Variants in NKD1 observed in about 807,000 individuals in gnomAD.
NKD1 encodes the protein protein naked cuticle homolog 1.
Under a neutral mutation model 56.0 loss-of-function variants are expected in NKD1, and 21 were observed. That is an observed-to-expected ratio of 0.38 (90% CI 0.27 to 0.54). NKD1 has a LOEUF of 0.54. Among genes scored for constraint, NKD1 ranks in the 20% least tolerant of loss-of-function variants. NKD1 has a pLI of 0.82. For missense variants in NKD1, 578 were observed against 642.7 expected, an observed-to-expected ratio of 0.90 and a Z score of 1.09; for synonymous variants, 263 against 265.7, an observed-to-expected ratio of 0.99 and a Z score of 0.10.
In NKD1 at chr16:50,632,388, A is replaced by G; in HGVS notation, c.803A>G (p.Tyr268Cys). The stretch of plus-strand genomic sequence containing the variant: ...TTAGATCTCGCCGGGATAGAAAACT[A>G]CACGTCCCAATTTGGGCCTGGTAAG... ...HYLDLAGIEN[Y>C]TSQFGPGSPS... Residue 268 changes from tyrosine (Y) to cysteine (C), a missense_variant, in exon 9 of 10, where the codon TAC becomes TGC. Transcript: ENST00000268459. The surrounding 1 kb of genome is among the most constrained non-coding windows in gnomAD (Gnocchi z 4.1). 4 of 1,614,054 alleles carry G rather than the reference A, an allele frequency of 2.5e-6. No individual in the cohort carries two copies. Among genetic ancestry groups the G allele is most frequent in the Non-Finnish European group, 1.7e-6 (2 of 1,179,974 alleles).
intron 4 of NKD1, among the ~76,000 whole-genome samples, chr16:50,620,367 C>G (rs967292793): frequency 6.6e-6 from 1 of 152,178 alleles, no homozygotes; most frequent in Non-Finnish European, 1.5e-5. Flanking sequence ...CACAAATCCC[C>G]CATCTAGTTT....
chr16:50,625,991 T>G (rs535504517), intron 6 of NKD1, among the ~76,000 whole-genome samples: 5 of 152,354 alleles, frequency 3.3e-5, no homozygotes, highest in African/African-American at 1.2e-4. Flanking sequence ...TCAGCCATGC[T>G]GCCCAGGAGC....
chr16:50,576,746 C>CTTT (rs55799406), intron 3 of NKD1, among the ~76,000 whole-genome samples: 8,699 of 144,346 alleles, frequency 0.06, 348 homozygotes, highest in African/African-American at 0.11. Flanking sequence ...CAATAAAGTG[C>CTTT]TTTTTTTTTT....
chr16:50,606,825 C>T, intron 3 of NKD1: 1 of 456,714 alleles, frequency 2.2e-6, no homozygotes, highest in Non-Finnish European at 4.4e-6. Flanking sequence ...TGCCTACCAG[C>T]CTTTCAGGGG....
At chr16:50,560,323 C>G (rs552679171) in intron 3 of NKD1, among the ~76,000 whole-genome samples, 1 of 152,314 alleles carries the variant, frequency 6.6e-6, no homozygotes, top group South Asian at 2.1e-4. Context: ...GTGTGCATAG[C>G]CCCGTGCTGA....
intron 4 of NKD1, among the ~76,000 whole-genome samples, chr16:50,612,672 T>G (rs1200676655): frequency 6.6e-6 from 1 of 152,034 alleles, no homozygotes; most frequent in African/African-American, 2.4e-5. Flanking sequence ...GAGCCAGCCA[T>G]GGAAGAATGT....
At chr16:50,548,940 G>C (rs1202084650) in intron 2 of NKD1, 191 bp downstream of exon 2, 1 of 940,278 alleles carries the variant, frequency 1.1e-6, no homozygotes, top group African/African-American at 2.0e-5. Context: ...CGCTCCCCGC[G>C]GTCCTGCGCT....
At chr16:50,557,269 C>A (rs1390470187) in intron 3 of NKD1, 6 of 152,202 alleles carry the variant, frequency 3.9e-5, no homozygotes, top group Admixed American at 3.3e-4. Context: ...CAGAACTCAT[C>A]TGGGGTGTTT....
chr16:50,613,066 A>G (rs949419878), intron 4 of NKD1, among the ~76,000 whole-genome samples: 5 of 151,972 alleles, frequency 3.3e-5, no homozygotes, highest in African/African-American at 1.2e-4. Context: ...AGGGAACGAG[A>G]GAGATCAGGG....
At chr16:50,579,396 A>G (rs1351112278) in intron 3 of NKD1, among the ~76,000 whole-genome samples, 15 of 123,906 alleles carry the variant, frequency 1.2e-4, no homozygotes, top group East Asian at 5.3e-4. Context: ...AACCAGCCAC[A>G]CATGCACTGT....
chr16:50,585,828 G>A (rs1346429603), intron 3 of NKD1, among the ~76,000 whole-genome samples: 1 of 152,176 alleles, frequency 6.6e-6, no homozygotes, highest in African/African-American at 2.4e-5. Context: ...TGACCCCTGG[G>A]TGTCACAGAC....
intron 5 of NKD1, chr16:50,625,274 C>T: frequency 3.4e-6 from 2 of 590,088 alleles, no homozygotes; most frequent in Admixed American, 5.9e-5. Context: ...CTGCAGGCAT[C>T]CCTCCCCAGG....
rs942021325 is a variant in NKD1 at position 50,634,226 on chromosome 16, C to G, written c.*445C>G. The G allele has an allele frequency of 6.4e-6, 1 of 157,010 alleles. No individual in the cohort carries two copies. The highest frequency in any genetic ancestry group is 2.4e-5 in the African/African-American group (1 of 41,626). 9.7% of individuals were successfully genotyped at this position (157,010 alleles called of 1,614,324 possible). A position where few individuals can be genotyped will look rare whatever the true frequency, so the allele number is the denominator to read the frequency against. On this transcript the variant is annotated 3_prime_UTR_variant, in exon 10 of 10. Transcript: ENST00000268459. ...ACAGCTGCTACCTCTTAGTATTATT[C>G]TGATTTTATTTTGCCCTTAACTGAT...
chr16:50,565,043 G>A (rs1960727572), intron 3 of NKD1, among the ~76,000 whole-genome samples: 1 of 152,156 alleles, frequency 6.6e-6, no homozygotes, highest in Non-Finnish European at 1.5e-5. Flanking sequence ...GTATTTGCAG[G>A]TTAATTGAAA....
chr16:50,627,996 G>A (rs933589747), intron 6 of NKD1, among the ~76,000 whole-genome samples: 2 of 152,144 alleles, frequency 1.3e-5, no homozygotes, highest in African/African-American at 2.4e-5. Flanking sequence ...AGAAGCCAGA[G>A]GGAAGAAAAG....
chr16:50,621,557 G>T (rs564092712), intron 4 of NKD1, 45 bp from the exon 5 acceptor site: 1 of 1,439,474 alleles, frequency 6.9e-7, no homozygotes, highest in Non-Finnish European at 9.7e-7. Flanking sequence ...GCTGCCCGGC[G>T]TCTGGACCCT....
intron 3 of NKD1, among the ~76,000 whole-genome samples, chr16:50,584,628 T>C (rs1596720854): frequency 6.6e-6 from 1 of 152,226 alleles, no homozygotes; most frequent in South Asian, 2.1e-4. Context: ...GTAAAGCATG[T>C]GGCACAGTGT....
At chr16:50,587,173 T>C (rs1961248545) in intron 3 of NKD1, among the ~76,000 whole-genome samples, 1 of 152,242 alleles carries the variant, frequency 6.6e-6, no homozygotes, top group Non-Finnish European at 1.5e-5. Flanking sequence ...TACCAGGGTC[T>C]CTCAAACTTG....
chr16:50,633,555 C>T lies in NKD1; in HGVS notation c.1187C>T (p.Pro396Leu). 3.1e-6 allele frequency: 5 copies of T among 1,611,486 alleles called. No individual in the cohort carries two copies. Among genetic ancestry groups the T allele is most frequent in the South Asian group, 1.1e-5 (1 of 90,956 alleles). Residue 396 changes from proline to leucine, a missense_variant, in exon 10 of 10, where the codon CCC (proline) becomes CTC (leucine). Coordinates refer to ENST00000268459, the MANE Select transcript of NKD1 (RefSeq NM_033119.5). The surrounding 1 kb of genome is among the most constrained non-coding windows in gnomAD (Gnocchi z 4.9). Reference protein sequence around the residue: ...ASPALLPSLAPLGHKKHKHRA... With the variant: ...ASPALLPSLALLGHKKHKHRA... ...CCGGCCCTCCTCCCCTCCCTAGCCCCCCTCGGGCACAAGAAGCACAAGCAC... is the reference window on the plus strand; with the variant it reads ...CCGGCCCTCCTCCCCTCCCTAGCCCTCCTCGGGCACAAGAAGCACAAGCAC...
Sources: allele counts gnomAD v4.1 joint callset (sites outside exome capture counted in the v4.1 genomes callset), GRCh38; gene constraint gnomAD v4.1.1; non-coding constraint Gnocchi (gnomAD v3.1); transcripts MANE v1.5; gene names NCBI Gene and HGNC (gene_info 2026-07-23, HGNC 2026-07-21).